PC: variants seen among roughly 807,000 people sequenced by gnomAD.
PC encodes the protein pyruvate carboxylase, mitochondrial.
Under a neutral mutation model 107.8 loss-of-function variants are expected in PC, and 46 were observed. The ratio of observed to expected loss-of-function variants is 0.43; its 90% CI spans 0.34 to 0.55. PC has a LOEUF of 0.55. Among genes scored for constraint, PC ranks in the 20% least tolerant of loss-of-function variants. The pLI is 0.04. For missense variants in PC, 1,241 were observed against 1,643.1 expected (o/e 0.76, Z 4.23); for synonymous variants, 662 against 684.7 (o/e 0.97, Z 0.52).
chr11:66,916,234 CA>C (rs1565285089), intron 3 of PC, among the ~76,000 whole-genome samples: 2 of 152,184 alleles, frequency 1.3e-5, no homozygotes, highest in Admixed American at 6.5e-5. Context: ...TGCTCGTTGC[CA>C]AGCAGTTTTA....
Position 66,955,125 on chromosome 11 carries a change from G to C in PC, c.-227-689C>G, listed in dbSNP as rs527462430. 8.5e-5 allele frequency among the ~76,000 whole-genome samples: 13 copies of C among 152,250 alleles called. No homozygotes were observed. In the South Asian group the frequency reaches 1.5e-3, roughly 17 times the overall value. On this transcript the variant is annotated intron_variant, in intron 1 of 22. Coordinates refer to ENST00000393960, the MANE Select transcript of PC (RefSeq NM_001040716.2). ...CATCTTGCACCCTTCTCTCCTCACT[G>C]GTTCCCAGTTTGACCCCTTTTCAAC... is the stretch of plus-strand genomic sequence containing the variant.
At chr11:66,872,348 C>A (rs750997564) in intron 3 of PC, among the ~76,000 whole-genome samples, 189 bp from the exon 4 acceptor site, 3 of 152,084 alleles carry the variant, frequency 2.0e-5, no homozygotes, top group Non-Finnish European at 2.9e-5. Context: ...AAATGGAACC[C>A]CCAGCTCAGC....
intron 3 of PC, among the ~76,000 whole-genome samples, chr11:66,904,127 A>C (rs1013493884): frequency 6.6e-6 from 1 of 152,108 alleles, no homozygotes; most frequent in African/African-American, 2.4e-5. Flanking sequence ...ATTTGACAGA[A>C]GCTTTTACAC....
intron 3 of PC, among the ~76,000 whole-genome samples, chr11:66,949,616 A>G (rs1949390771): frequency 6.6e-6 from 1 of 152,038 alleles, no homozygotes; most frequent in African/African-American, 2.4e-5. Context: ...CGCTTGAACC[A>G]GGAGGCGGAG....
chr11:66,932,530 G>A (rs1221082504), intron 3 of PC, among the ~76,000 whole-genome samples: 2 of 152,184 alleles, frequency 1.3e-5, no homozygotes, highest in African/African-American at 4.8e-5. Context: ...GCTGATGTGG[G>A]ACAAAAATCT....
At position 66,850,674 on chromosome 11, in the gene PC, C is replaced by T; in HGVS notation, c.2473G>A (p.Glu825Lys). The T allele has an allele frequency of 6.2e-7, 1 of 1,608,868 alleles. No homozygotes were observed. The highest frequency in any genetic ancestry group is 8.5e-7 in the Non-Finnish European group (1 of 1,179,798). Residue 825 changes from glutamate (E) to lysine (K), a missense_variant and splice_region_variant, in exon 18 of 23, where the codon GAG (glutamate) becomes AAG (lysine). Transcript: ENST00000393960. Reference protein sequence around the residue: ...ACTRGTPLDTEVPMERVFDYS... With the variant: ...ACTRGTPLDTKVPMERVFDYS... ...GGCCACGGGCTGCTGTTCTTCCTAC[C>T]TGTGTCCAGGGGAGTCCCTCTGGTA... is the stretch of plus-strand genomic sequence containing the variant.
At chr11:66,910,463 G>A (rs1304580682) in intron 3 of PC, among the ~76,000 whole-genome samples, 2 of 152,174 alleles carry the variant, frequency 1.3e-5, no homozygotes, top group Admixed American at 6.5e-5. Flanking sequence ...AGACAAGCAA[G>A]TAGAGTTTCT....
Position 66,858,745 on chromosome 11 carries a change from G to A in PC, c.1368+5029C>T. The A allele has an allele frequency of 1.3e-6, 2 of 1,554,576 alleles. No homozygotes were observed. The highest frequency in any genetic ancestry group is 8.7e-7 in the Non-Finnish European group (1 of 1,149,260). On this transcript the variant is annotated intron_variant, in intron 12 of 22. Transcript: ENST00000393960. This position sits in a 1 kb window ranked among gnomAD's most constrained non-coding sequence, Gnocchi z 5.9. ...TCCCGAGCCCGGGCTTTCCCCAACG[G>A]GACCTTAGAGATTGGGGTGACCGGC... is the stretch of plus-strand genomic sequence containing the variant.
At chr11:66,910,070 C>T (rs763524686) in intron 3 of PC, among the ~76,000 whole-genome samples, 19 of 152,180 alleles carry the variant, frequency 1.2e-4, no homozygotes, top group South Asian at 2.1e-4. Context: ...ACAATTATGA[C>T]GACTTTATAG....
intron 3 of PC, among the ~76,000 whole-genome samples, chr11:66,947,822 G>C (rs1949336481): frequency 6.6e-6 from 1 of 151,750 alleles, no homozygotes; most frequent in Admixed American, 6.6e-5. Context: ...AATTAGCTGG[G>C]CGTGGTGGTG....
At position 66,851,211 on chromosome 11, in the gene PC, G is replaced by A. The variant is rs1304937535; in HGVS notation, c.2052C>T (p.Pro684=). The change falls in exon 17 of 23, where the codon CCC becomes CCT. Residue 684 remains proline, a synonymous_variant. Transcript: ENST00000393960. ...CCGCCTCCATGCCCAGCAGCATGTTGGGCAAGTAGTTGAGGGAGTCAAACA... is the reference window on the plus strand; with the variant it reads ...CCGCCTCCATGCCCAGCAGCATGTTAGGCAAGTAGTTGAGGGAGTCAAACA... ...FRVFDSLNYL[P]NMLLGMEAAG... 2 of 1,608,640 alleles carry A rather than the reference G, an allele frequency of 1.2e-6. No individual in the cohort carries two copies. Among genetic ancestry groups the A allele is most frequent in the Non-Finnish European group, 1.7e-6 (2 of 1,179,990 alleles).
rs77622137 is a variant in PC, at chr11:66,879,803, G to A, written c.1-7644C>T. ...TCTGAGACAGGAGGCAGTCAGAGAC[G>A]GGAGGGCAGGTTTCTGTGATGGATT... is the stretch of plus-strand genomic sequence containing the variant. On this transcript the variant is annotated intron_variant, in intron 3 of 22. Coordinates refer to ENST00000393960, the MANE Select transcript of PC (RefSeq NM_001040716.2). Among the ~76,000 whole-genome samples, 1,347 of 152,286 alleles carry A rather than the reference G, an allele frequency of 8.8e-3. 26 individuals are homozygous for A. The highest frequency in any genetic ancestry group is 0.03 in the African/African-American group (1,244 of 41,550).
At position 66,858,528 on chromosome 11, in the gene PC, G is replaced by A. The variant is rs535268151; in HGVS notation, c.1369-5145C>T. 21 of 1,533,748 alleles carry A rather than the reference G, an allele frequency of 1.4e-5. No homozygotes were observed. The East Asian group carries it at 2.0e-4, about 14-fold the overall frequency. ...CCTGGAAACGTGCGCCTCCCCGCCC[G>A]GCCTGGCCGGCCGCTACTTCTGGGC... On this transcript the variant is annotated intron_variant, in intron 12 of 22. Coordinates refer to ENST00000393960, the MANE Select transcript of PC (RefSeq NM_001040716.2). This position sits in a 1 kb window ranked among gnomAD's most constrained non-coding sequence, Gnocchi z 5.9.
chr11:66,853,460 GA>G, intron 12 of PC, 77 bp from the exon 13 acceptor site: 1 of 1,561,862 alleles, frequency 6.4e-7, no homozygotes, highest in Middle Eastern at 1.7e-4. Context: ...GGCTGAAAGA[GA>G]AAAGGCTGAA....
chr11:66,867,752 C>G (rs1403268880), intron 10 of PC, among the ~76,000 whole-genome samples: 3 of 152,248 alleles, frequency 2.0e-5, no homozygotes, highest in African/African-American at 4.8e-5. Flanking sequence ...TCTAAGCAGA[C>G]CCAAGACCGA....
chr11:66,955,100 C>T (rs1949529130), intron 1 of PC, among the ~76,000 whole-genome samples: 1 of 152,214 alleles, frequency 6.6e-6, no homozygotes, highest in Non-Finnish European at 1.5e-5. Context: ...CCGTATTCCC[C>T]ATCTTGCACC....
In PC at chr11:66,851,132, C is replaced by T; in HGVS notation, c.2131G>A (p.Ala711Thr). The T allele has an allele frequency of 6.2e-7, 1 of 1,612,638 alleles. No individual in the cohort carries two copies. The highest frequency in any genetic ancestry group is 8.5e-7 in the Non-Finnish European group (1 of 1,180,012). ...EAAISYTGDV[A>T]DPSRTKYSLQ... ...GAGTACTTGGTGCGGCTGGGGTCGG[C>T]CACGTCGCCCGTGTATGAGATGGCA... The change falls in exon 17 of 23, where the codon GCC (alanine) becomes ACC (threonine). Residue 711 changes from alanine to threonine, a missense_variant. Physicochemically the swap from Ala to Thr is moderately conservative, Grantham distance 58 (BLOSUM62 0). Coordinates refer to ENST00000393960, the MANE Select transcript of PC (RefSeq NM_001040716.2).
At chr11:66,854,284 G>A (rs192253315) in intron 12 of PC, among the ~76,000 whole-genome samples, 1 of 152,236 alleles carries the variant, frequency 6.6e-6, no homozygotes, top group Non-Finnish European at 1.5e-5. Context: ...TGCCTGGGAA[G>A]CTCTCCCTGA....
chr11:66,902,176 C>T (rs1220659639), intron 3 of PC, among the ~76,000 whole-genome samples: 2 of 152,174 alleles, frequency 1.3e-5, no homozygotes, highest in African/African-American at 4.8e-5. Context: ...GTTTTCTCTC[C>T]CTATTCGTGA....
Sources: allele counts gnomAD v4.1 joint callset (sites outside exome capture counted in the v4.1 genomes callset), GRCh38; gene constraint gnomAD v4.1.1; non-coding constraint Gnocchi (gnomAD v3.1); transcripts MANE v1.5; gene names NCBI Gene and HGNC (gene_info 2026-07-23, HGNC 2026-07-21).